Variants in XKR9 observed in about 807,000 individuals in gnomAD.
XKR9 encodes XK-related protein 9.
In XKR9, 32 loss-of-function variants were observed where a neutral mutation model predicts 32.0. The observed-to-expected ratio is 1.00, with a 90% CI of 0.76 to 1.34. The LOEUF is 1.34. Among genes scored for constraint, XKR9 ranks in the 40% most tolerant of loss-of-function variants. XKR9 has a pLI of 0.00. For missense variants in XKR9, 546 were observed against 429.7 expected (o/e 1.27, Z -2.39); for synonymous variants, 168 against 143.4 (o/e 1.17, Z -1.22).
chr8:70,681,440 A>T, intron 3 of XKR9, 110 bp downstream of exon 3: 3 of 1,320,926 alleles, frequency 2.3e-6, no homozygotes, highest in Non-Finnish European at 3.1e-6. Context: ...TATTTGCATG[A>T]AGCACAAAGG....
At chr8:70,939,863 C>T in the XKR9 span, among the ~76,000 whole-genome samples, 85 of 151,966 alleles carry the variant, frequency 5.6e-4, no homozygotes, top group Non-Finnish European at 1.0e-3. Flanking sequence ...TTTTTTTGGT[C>T]ACTTGCTGTA....
the XKR9 span, among the ~76,000 whole-genome samples, chr8:70,797,852 G>T: frequency 2.6e-5 from 4 of 152,260 alleles, no homozygotes; most frequent in East Asian, 5.8e-4. Flanking sequence ...ATGATGTCCG[G>T]CTGTATCCAT....
At chr8:70,980,559 G>A in the XKR9 span, among the ~76,000 whole-genome samples, 1 of 152,198 alleles carries the variant, frequency 6.6e-6, no homozygotes, top group Admixed American at 6.5e-5. Context: ...CAGAAACTTG[G>A]TTGGTGAATT....
At chr8:71,032,642 A>C in the XKR9 span, among the ~76,000 whole-genome samples, 1 of 152,190 alleles carries the variant, frequency 6.6e-6, no homozygotes, top group Non-Finnish European at 1.5e-5. Context: ...ATAGGTCTGG[A>C]GTAGGCTTCC....
At chr8:70,794,831 G>A (rs1160597931), downstream of XKR9, among the ~76,000 whole-genome samples, 1 of 151,514 alleles carries the variant, frequency 6.6e-6, no homozygotes, top group African/African-American at 2.4e-5. Flanking sequence ...TTTTGTGTGT[G>A]TGTGTGTGTG....
chr8:70,824,770 AC>A, the XKR9 span, among the ~76,000 whole-genome samples: 1 of 152,078 alleles, frequency 6.6e-6, no homozygotes, highest in African/African-American at 2.4e-5. Context: ...ATCTATGATT[AC>A]ATGAAGCAAG....
chr8:70,814,611 A>G, the XKR9 span, among the ~76,000 whole-genome samples: 1 of 152,136 alleles, frequency 6.6e-6, no homozygotes, highest in Non-Finnish European at 1.5e-5. Flanking sequence ...AATAAAGGCC[A>G]TATATGACAA....
chr8:70,884,194 T>G, the XKR9 span, among the ~76,000 whole-genome samples: 3 of 152,172 alleles, frequency 2.0e-5, no homozygotes, highest in African/African-American at 7.2e-5. Context: ...TGGTGATGTG[T>G]TTTTTCAGAT....
rs575257083 is a variant in XKR9 at position 70,685,097 on chromosome 8, A to G, written c.272+3767A>G. Among the ~76,000 whole-genome samples, 5 of 151,736 alleles carry G rather than the reference A, an allele frequency of 3.3e-5. No homozygotes were observed. The South Asian group carries it at 6.4e-4, about 19-fold the overall frequency. On this transcript the variant is annotated intron_variant, in intron 3 of 4. Transcript: ENST00000408926. ...ATAGCAAAGACTTGGAACCAACCCA[A>G]ATGTCCAACAACAATAGACTGGATT...
chr8:70,975,806 G>A, the XKR9 span, among the ~76,000 whole-genome samples: 1 of 152,214 alleles, frequency 6.6e-6, no homozygotes, highest in South Asian at 2.1e-4. Context: ...GATGGGGATG[G>A]CATTGAATCT....
At chr8:70,680,639 C>CT (rs1322560722) in intron 2 of XKR9, 142 bp from the exon 3 acceptor site, 5 of 152,468 alleles carry the variant, frequency 3.3e-5, no homozygotes, top group African/African-American at 1.2e-4. Context: ...ATTTCTGAGA[C>CT]TTTCCCAAAG....
chr8:71,039,165 A>G, the XKR9 span, among the ~76,000 whole-genome samples: 1 of 152,156 alleles, frequency 6.6e-6, no homozygotes, highest in Non-Finnish European at 1.5e-5. Flanking sequence ...TGAAACGGCT[A>G]AGGTATTCTA....
At chr8:70,835,721 C>T in the XKR9 span, among the ~76,000 whole-genome samples, 2 of 151,996 alleles carry the variant, frequency 1.3e-5, no homozygotes, top group African/African-American at 4.8e-5. Context: ...TACTTTTAGT[C>T]ATAGTTCAAA....
rs747314955 is a variant in XKR9, at chr8:70,706,999, C to G, written c.339C>G (p.Phe113Leu). Reference sequence around the variant, plus strand: ...AATATGACAGCAATACTAGTAACTTCGTGGAAGAACAAATTGATCTACATA... The same window carrying G: ...AATATGACAGCAATACTAGTAACTTGGTGGAAGAACAAATTGATCTACATA... The part of the protein sequence containing the change: ...AFKYDSNTSN[F>L]VEEQIDLHKE... The change falls in exon 4 of 5, where the codon TTC (phenylalanine) becomes TTG (leucine). Residue 113 changes from phenylalanine to leucine, a missense_variant. Coordinates refer to ENST00000408926, the MANE Select transcript of XKR9 (RefSeq NM_001011720.2). 14 of 1,613,208 alleles carry G rather than the reference C, an allele frequency of 8.7e-6. No homozygotes were observed. Among genetic ancestry groups the G allele is most frequent in the Non-Finnish European group, 1.2e-5 (14 of 1,179,416 alleles).
intron 1 of XKR9, among the ~76,000 whole-genome samples, chr8:70,672,606 C>CTG (rs533943749): frequency 0.016 from 2,355 of 150,302 alleles, 59 homozygotes; most frequent in African/African-American, 0.05. Context: ...TATGGTAGTT[C>CTG]TGTGTGTGTG....
At chr8:70,902,735 G>C in the XKR9 span, among the ~76,000 whole-genome samples, 1 of 152,156 alleles carries the variant, frequency 6.6e-6, no homozygotes, top group Non-Finnish European at 1.5e-5. Flanking sequence ...TTCTGCTTTT[G>C]TCCATTCAGT....
chr8:70,757,795 C>A (rs1309326334), intron 2 of XKR9, among the ~76,000 whole-genome samples: 1 of 152,166 alleles, frequency 6.6e-6, no homozygotes, highest in East Asian at 1.9e-4. Context: ...CCATGTTGGT[C>A]AGGCTGGTCT....
At chr8:70,738,915 G>T (rs1165312397), downstream of XKR9, among the ~76,000 whole-genome samples, 2 of 152,224 alleles carry the variant, frequency 1.3e-5, no homozygotes, top group Non-Finnish European at 2.9e-5. Flanking sequence ...TGGAATAGGT[G>T]TGGTGTGGTA....
the XKR9 span, among the ~76,000 whole-genome samples, chr8:70,881,728 C>G: frequency 6.6e-6 from 1 of 152,166 alleles, no homozygotes; most frequent in Non-Finnish European, 1.5e-5. Context: ...GGATATAGAA[C>G]TAGAATTACC....
Sources: gnomAD v4.1 joint callset for allele counts (sites outside exome capture counted in the v4.1 genomes callset) on GRCh38, gnomAD v4.1.1 for gene constraint, MANE v1.5 for transcripts, NCBI Gene and HGNC (gene_info 2026-07-23, HGNC 2026-07-21) for gene names.